C8orf88: variants seen among roughly 807,000 people sequenced by gnomAD.
C8orf88 encodes uncharacterized protein C8orf88.
C8orf88 carries 14 observed loss-of-function variants against 18.4 expected under a neutral mutation model. The observed-to-expected ratio is 0.76, with a 90% CI of 0.50 to 1.19. The LOEUF (loss-of-function observed/expected upper bound fraction) is 1.19, where lower values mean the gene tolerates loss of function less well. Among genes scored for constraint, C8orf88 ranks in the 50% most tolerant of loss-of-function variants. The probability of loss-of-function intolerance (pLI) is 0.00; values close to 1 mark genes in which losing one functional copy is unlikely to be tolerated. For synonymous variants in C8orf88, 45 were observed against 42.9 expected (o/e 1.05, Z -0.19); for missense variants, 116 against 134.7 (o/e 0.86, Z 0.69).
intron 4 of C8orf88, among the ~76,000 whole-genome samples, chr8:90,970,390 A>T (rs150522869): frequency 3.8e-4 from 58 of 152,160 alleles, no homozygotes; most frequent in African/African-American, 1.4e-3. Flanking sequence ...CATACTTCAA[A>T]CTTTTAAACT....
At chr8:90,970,286 T>A (rs1052658916) in intron 4 of C8orf88, among the ~76,000 whole-genome samples, 1 of 151,888 alleles carries the variant, frequency 6.6e-6, no homozygotes, top group Non-Finnish European at 1.5e-5. Context: ...AGATAAAATG[T>A]CAATATAAAG....
rs1317047319 is a variant in C8orf88, at chr8:90,978,627, T to C, written c.99A>G (p.Gln33=). Residue 33 remains glutamine, a synonymous_variant, in exon 3 of 6, where the codon CAA becomes CAG. Coordinates refer to ENST00000517562, the MANE Select transcript of C8orf88 (RefSeq NM_001190972.2). ...ACTGAGTGTTGCATGGATATTCGTTTTGAAAGTTGAAAGGGAACACTGCTC... is the reference window on the plus strand; with the variant it reads ...ACTGAGTGTTGCATGGATATTCGTTCTGAAAGTTGAAAGGGAACACTGCTC... ...PPGAVFPFNF[Q]NEYPCNTQCI... is the part of the protein sequence containing the mutation. The C allele has an allele frequency of 2.6e-6, 4 of 1,529,686 alleles. No homozygotes were observed. The highest frequency in any genetic ancestry group is 2.5e-5 in the East Asian group (1 of 40,676). 94.8% of individuals were successfully genotyped at this position (1,529,686 alleles called of 1,614,324 possible).
At chr8:90,966,720 T>C (rs1373036000) in intron 4 of C8orf88, among the ~76,000 whole-genome samples, 1 of 151,868 alleles carries the variant, frequency 6.6e-6, no homozygotes, top group Non-Finnish European at 1.5e-5. Context: ...TTAGCTCTAA[T>C]AGTTTATGTG....
chr8:90,967,133 T>C (rs1460440009), intron 4 of C8orf88, among the ~76,000 whole-genome samples: 4 of 151,854 alleles, frequency 2.6e-5, no homozygotes, highest in Non-Finnish European at 5.9e-5. Context: ...TTGTTCTTGA[T>C]GGCGTGTTGT....
intron 2 of C8orf88, 45 bp from the exon 3 acceptor site, chr8:90,978,697 A>G: frequency 1.9e-6 from 2 of 1,075,776 alleles, no homozygotes; most frequent in Non-Finnish European, 2.7e-6. Flanking sequence ...TATTATTTCA[A>G]TAAATAATAT....
chr8:90,960,845 C>A lies in C8orf88; in HGVS notation c.227G>T (p.Arg76Ile). 6.6e-7 allele frequency: 1 copy of A among 1,503,998 alleles called. No homozygotes were observed. The highest frequency in any genetic ancestry group is 8.9e-7 in the Non-Finnish European group (1 of 1,119,080). 93.2% of individuals were successfully genotyped at this position (1,503,998 alleles called of 1,614,324 possible). ...CAGGAAATCTCTGCTGTATTTAATTCTCTCTGTAGATATTAAACATCAAAT... is the reference window on the plus strand; with the variant it reads ...CAGGAAATCTCTGCTGTATTTAATTATCTCTGTAGATATTAAACATCAAAT... ...QQQQSPVKKE[R>I]IKYSRDFLLK... Residue 76 changes from arginine (R) to isoleucine (I), a missense_variant, in exon 5 of 6, where the codon AGA becomes ATA. By Grantham distance (97) the Arg-to-Ile change is moderately conservative (BLOSUM62 -3). Coordinates refer to ENST00000517562, the MANE Select transcript of C8orf88 (RefSeq NM_001190972.2).
At chr8:90,976,859 G>T (rs1316126994) in intron 3 of C8orf88, among the ~76,000 whole-genome samples, 1 of 151,966 alleles carries the variant, frequency 6.6e-6, no homozygotes, top group East Asian at 1.9e-4. Context: ...GCTTTTGGAA[G>T]AATATATAGA....
chr8:90,978,588 T>A lies in C8orf88; in HGVS notation c.138A>T (p.Gly46=), dbSNP rs762064278. ...AATTTCTAAGACTTACTCTGCTAAC[T>A]CCACTTTGTATGCACTGAGTGTTGC... The part of the protein sequence containing the change: ...YPCNTQCIQS[G]VSRCKTNGMQ... Residue 46 remains glycine (G), a synonymous_variant, in exon 3 of 6, where the codon GGA becomes GGT. Coordinates refer to ENST00000517562, the MANE Select transcript of C8orf88 (RefSeq NM_001190972.2). 166 of 1,525,124 alleles carry A rather than the reference T, an allele frequency of 1.1e-4. 1 individual carries two copies. The highest frequency in any genetic ancestry group is 4.2e-4 in the Admixed American group (21 of 50,452). 94.5% of individuals were successfully genotyped at this position (1,525,124 alleles called of 1,614,324 possible). A position where few individuals can be genotyped will look rare whatever the true frequency, so the allele number is the denominator to read the frequency against.
At chr8:90,959,835 G>A (rs2032036198) in intron 5 of C8orf88, among the ~76,000 whole-genome samples, 2 of 151,054 alleles carry the variant, frequency 1.3e-5, no homozygotes, top group South Asian at 4.2e-4. Context: ...CTATATAAAG[G>A]TATTTACGAA....
chr8:90,958,637 T>G lies in C8orf88; in HGVS notation c.*370A>C. The G allele has an allele frequency of 4.3e-6, 1 of 233,248 alleles. No homozygotes were observed. The highest frequency in any genetic ancestry group is 5.6e-5 in the South Asian group (1 of 17,732). 14.4% of individuals were successfully genotyped at this position (233,248 alleles called of 1,614,324 possible). A position where few individuals can be genotyped will look rare whatever the true frequency, so the allele number is the denominator to read the frequency against. On this transcript the variant is annotated 3_prime_UTR_variant, in exon 6 of 6. Transcript: ENST00000517562. ...GCAACAAGCAATTATGTACCATATA[T>G]ACACTGTAGCAAATATTTTATATTT...
At chr8:90,971,260 A>G (rs1811279254) in intron 3 of C8orf88, 119 bp from the exon 4 acceptor site, 1 of 472,062 alleles carries the variant, frequency 2.1e-6, no homozygotes, top group Non-Finnish European at 3.7e-6. Flanking sequence ...CTAAGTAATA[A>G]GCAATCATTA....
chr8:90,982,028 A>C (rs1305827318), intron 1 of C8orf88, among the ~76,000 whole-genome samples: 7 of 152,152 alleles, frequency 4.6e-5, no homozygotes, highest in Non-Finnish European at 1.0e-4. Flanking sequence ...TCAAATGTTA[A>C]AATTATAAAC....
At chr8:90,973,776 T>C (rs975410325) in intron 3 of C8orf88, among the ~76,000 whole-genome samples, 4 of 152,108 alleles carry the variant, frequency 2.6e-5, no homozygotes, top group African/African-American at 4.8e-5. Context: ...GAGCACCCCA[T>C]CTGGCCCTTT....
At chr8:90,974,460 A>G (rs990207092) in intron 3 of C8orf88, among the ~76,000 whole-genome samples, 1 of 152,200 alleles carries the variant, frequency 6.6e-6, no homozygotes, top group Non-Finnish European at 1.5e-5. Context: ...CATCCAGTCC[A>G]GTCAAGCCTT....
At chr8:90,960,870 T>C in intron 4 of C8orf88, 22 bp from the exon 5 acceptor site, 2 of 1,398,820 alleles carry the variant, frequency 1.4e-6, no homozygotes, top group Non-Finnish European at 2.0e-6. Context: ...AAACATCAAA[T>C]ATAATGTTAG....
At chr8:90,977,355 A>T (rs1489073103) in intron 3 of C8orf88, among the ~76,000 whole-genome samples, 1 of 152,232 alleles carries the variant, frequency 6.6e-6, no homozygotes, top group Non-Finnish European at 1.5e-5. Context: ...GCAGTATCAA[A>T]AAGTTGAAAT....
chr8:90,958,921 G>T lies in C8orf88; in HGVS notation c.*86C>A. ...CAACCATCAAAATTAAGAATAAATT[G>T]AATTGTCACAGTCCATTACAGTTAT... is the stretch of plus-strand genomic sequence containing the variant. On this transcript the variant is annotated 3_prime_UTR_variant, in exon 6 of 6. Coordinates refer to ENST00000517562, the MANE Select transcript of C8orf88 (RefSeq NM_001190972.2). 1 of 735,472 alleles carries T rather than the reference G, an allele frequency of 1.4e-6. No homozygotes were observed. Among genetic ancestry groups the T allele is most frequent in the South Asian group, 2.0e-5 (1 of 49,658 alleles). The allele number at this position is 735,472 out of a possible 1,614,324, so 45.6% of individuals were successfully genotyped here. A position where few individuals can be genotyped will look rare whatever the true frequency, so the allele number is the denominator to read the frequency against.
chr8:90,968,657 C>CATATATATATATAT (rs34558575), intron 4 of C8orf88, among the ~76,000 whole-genome samples: 1,171 of 72,704 alleles, frequency 0.016, 102 homozygotes, highest in Middle Eastern at 0.055. Context: ...GAAAAGACAA[C>CATATATATATATAT]ATATATATAT....
intron 1 of C8orf88, among the ~76,000 whole-genome samples, chr8:90,982,367 T>G (rs930247914): frequency 2.0e-5 from 3 of 152,136 alleles, no homozygotes; most frequent in Admixed American, 6.5e-5. Flanking sequence ...TCCTAGCTAT[T>G]TTAGTTAAGA....
Sources: allele counts gnomAD v4.1 joint callset (sites outside exome capture counted in the v4.1 genomes callset), GRCh38; gene constraint gnomAD v4.1.1; transcripts MANE v1.5; gene names NCBI Gene and HGNC (gene_info 2026-07-23, HGNC 2026-07-21).